VEGFD: variants seen among roughly 807,000 people sequenced by gnomAD.
The protein encoded by VEGFD is c-fos induced growth factor (vascular endothelial growth factor D).
VEGFD carries 26 observed loss-of-function variants against 28.0 expected under a neutral mutation model. The ratio of observed to expected loss-of-function variants is 0.93; its 90% CI spans 0.68 to 1.29. The LOEUF is 1.29. VEGFD is among the 50% of genes most tolerant of loss of function. The pLI is 0.00. For missense variants in VEGFD, 294 were observed against 273.4 expected, an observed-to-expected ratio of 1.08 and a Z score of -0.53; for synonymous variants, 93 against 95.5, an observed-to-expected ratio of 0.97 and a Z score of 0.15.
In VEGFD at chrX:15,384,215, C is replaced by T. The variant is rs1424582057; in HGVS notation, c.-269G>A. The stretch of plus-strand genomic sequence containing the variant: ...ATCAGAAGGTGGACATGTCTTCTAC[C>T]TGAAATTAGAAAGCACTCTAAATTT... On this transcript the variant is annotated 5_prime_UTR_variant, in exon 1 of 7. Transcript: ENST00000297904. The T allele has an allele frequency of 8.1e-6, 2 of 246,507 alleles. No individual in the cohort carries two copies. Among genetic ancestry groups the T allele is most frequent in the East Asian group, 7.8e-5 (1 of 12,776 alleles). 20.3% of individuals were successfully genotyped at this position (246,507 alleles called of 1,213,427 possible).
chrX:15,350,719 C>T lies in VEGFD; in HGVS notation c.742+2349G>A, dbSNP rs866147312. Among the ~76,000 whole-genome samples the T allele has an allele frequency of 6.6e-5, 7 of 106,696 alleles. 1 individual carries two copies. Among genetic ancestry groups the T allele is most frequent in the South Asian group, 4.2e-4 (1 of 2,371 alleles). 92.7% of individuals were successfully genotyped at this position (106,696 alleles called of 115,157 possible). ...CTTCCCACAGTAACTTACTTTCTTT[C>T]TCTTTCTTTCTTTCTATCCTTCCTT... is the stretch of plus-strand genomic sequence containing the variant. On this transcript the variant is annotated intron_variant, in intron 5 of 6. Transcript: ENST00000297904.
intron 1 of VEGFD, among the ~76,000 whole-genome samples, chrX:15,377,691 T>A (rs1923470859): frequency 9.0e-6 from 1 of 111,716 alleles, no homozygotes; most frequent in African/African-American, 3.3e-5. Context: ...TGTGGCTAGA[T>A]GGGGCAGTGG....
intron 1 of VEGFD, among the ~76,000 whole-genome samples, chrX:15,368,874 C>G (rs771957542): frequency 8.9e-6 from 1 of 112,244 alleles, no homozygotes; most frequent in Admixed American, 9.4e-5. Context: ...TAATTCAAGA[C>G]TACTAGCAAT....
At chrX:15,367,065 C>T (rs1045431729) in intron 1 of VEGFD, among the ~76,000 whole-genome samples, 2 of 111,509 alleles carry the variant, frequency 1.8e-5, no homozygotes, top group Non-Finnish European at 3.8e-5. Context: ...AGGCAACAGA[C>T]AGGAAGAAAG....
chrX:15,360,194 TA>T (rs1204356729), intron 2 of VEGFD, among the ~76,000 whole-genome samples: 3 of 111,424 alleles, frequency 2.7e-5, no homozygotes, highest in Admixed American at 9.6e-5. Context: ...TTTCATCCCT[TA>T]ATACCAATTT....
chrX:15,360,401 C>T (rs1203799535), intron 2 of VEGFD, among the ~76,000 whole-genome samples: 5 of 105,592 alleles, frequency 4.7e-5, no homozygotes, highest in Admixed American at 1.0e-4. Flanking sequence ...TGCAGCGGCG[C>T]GATCTCGGCT....
At chrX:15,369,663 G>T (rs1923260440) in intron 1 of VEGFD, among the ~76,000 whole-genome samples, 1 of 111,457 alleles carries the variant, frequency 9.0e-6, no homozygotes, top group South Asian at 3.8e-4. Context: ...AGCCCCTAGA[G>T]ACAGAAAATA....
At chrX:15,364,185 CTCTT>C (rs1477015611) in intron 1 of VEGFD, among the ~76,000 whole-genome samples, 1 of 112,018 alleles carries the variant, frequency 8.9e-6, no homozygotes, top group Non-Finnish European at 1.9e-5. Context: ...ACTTCTAACT[CTCTT>C]TGTTTTCTTT....
At chrX:15,362,508 C>T (rs768489270) in intron 2 of VEGFD, among the ~76,000 whole-genome samples, 1 of 111,409 alleles carries the variant, frequency 9.0e-6, no homozygotes, top group South Asian at 3.8e-4. Flanking sequence ...CCTCGACCTC[C>T]TGGGCTCAGC....
At chrX:15,378,765 C>G (rs1426448986) in intron 1 of VEGFD, among the ~76,000 whole-genome samples, 1 of 111,595 alleles carries the variant, frequency 9.0e-6, no homozygotes, top group East Asian at 2.8e-4. Context: ...TAGCTAAGAA[C>G]AATTTTTTAC....
At chrX:15,361,437 A>C (rs1923010142) in intron 2 of VEGFD, among the ~76,000 whole-genome samples, 1 of 111,985 alleles carries the variant, frequency 8.9e-6, no homozygotes, top group Admixed American at 9.4e-5. Flanking sequence ...TTAGACACAC[A>C]GTCATACACA....
intron 6 of VEGFD, among the ~76,000 whole-genome samples, chrX:15,346,886 A>G (rs55900438): frequency 0.029 from 3,199 of 110,581 alleles, 102 homozygotes; most frequent in African/African-American, 0.099. Context: ...AGCCCAGATC[A>G]CGCCACTGCA....
intron 6 of VEGFD, 34 bp downstream of exon 6, chrX:15,347,130 C>A (rs759643392): frequency 8.6e-7 from 1 of 1,159,321 alleles, no homozygotes; most frequent in Non-Finnish European, 1.2e-6. Flanking sequence ...CGTTAAATGT[C>A]ATGAGTAAAG....
chrX:15,353,846 C>G (rs1922794274), intron 4 of VEGFD, among the ~76,000 whole-genome samples: 1 of 111,481 alleles, frequency 9.0e-6, no homozygotes, highest in South Asian at 3.7e-4. Context: ...TGTTTAGAAA[C>G]TAAACTGTAA....
At chrX:15,365,694 T>G (rs1430763974) in intron 1 of VEGFD, among the ~76,000 whole-genome samples, 1 of 112,254 alleles carries the variant, frequency 8.9e-6, no homozygotes, top group Admixed American at 9.5e-5. Flanking sequence ...ATCATTTTCA[T>G]TATTCCACCT....
intron 1 of VEGFD, among the ~76,000 whole-genome samples, chrX:15,376,204 G>A (rs1894322): frequency 0.084 from 9,322 of 111,373 alleles, 502 homozygotes; most frequent in African/African-American, 0.2. Context: ...CTGACCAATA[G>A]GACATTACAA....
chrX:15,375,528 A>AT (rs1431719719), intron 1 of VEGFD, among the ~76,000 whole-genome samples: 2 of 111,789 alleles, frequency 1.8e-5, no homozygotes, highest in Non-Finnish European at 3.8e-5. Context: ...AAACCTGGCC[A>AT]TTTAAGGTTG....
intron 1 of VEGFD, among the ~76,000 whole-genome samples, chrX:15,381,148 G>T (rs1923561436): frequency 9.0e-6 from 1 of 111,614 alleles, no homozygotes; most frequent in African/African-American, 3.3e-5. Flanking sequence ...ACTCCAAACA[G>T]CTATCCTTGC....
At chrX:15,355,347 C>T (rs4531212) in intron 3 of VEGFD, 49 bp from the exon 4 acceptor site, 303,601 of 1,024,635 alleles carry the variant, frequency 0.3, 33,970 homozygotes, top group African/African-American at 0.53. Context: ...TTTTATATAT[C>T]ATTTTTAAAG....
Sources: allele counts gnomAD v4.1 joint callset (sites outside exome capture counted in the v4.1 genomes callset), GRCh38; gene constraint gnomAD v4.1.1; transcripts MANE v1.5; gene names NCBI Gene and HGNC (gene_info 2026-07-23, HGNC 2026-07-21).